The following RGS9 variants were observed in gnomAD, a reference collection of about 807,000 sequenced individuals.
RGS9 encodes regulator of G-protein signalling 9.
RGS9 carries 78 observed loss-of-function variants against 102.0 expected under a neutral mutation model. That is an observed-to-expected ratio of 0.76 (90% CI 0.64 to 0.92). RGS9 has a LOEUF of 0.92. Among genes scored for constraint, RGS9 ranks in the 40% least tolerant of loss-of-function variants. The pLI, the probability that RGS9 is intolerant of heterozygous loss-of-function variation, is 0.00. For missense variants in RGS9, 833 were observed against 866.1 expected, an observed-to-expected ratio of 0.96 and a Z score of 0.48; for synonymous variants, 353 against 318.6, an observed-to-expected ratio of 1.11 and a Z score of -1.15.
rs544493422 is a variant in RGS9, at chr17:65,184,699, C to T, written c.655-4587C>T. Among the ~76,000 whole-genome samples, 4 of 151,960 alleles carry T rather than the reference C, an allele frequency of 2.6e-5. No homozygotes were observed. In the South Asian group the frequency reaches 8.4e-4, roughly 32 times the overall value. On this transcript the variant is annotated intron_variant, in intron 9 of 18. Coordinates refer to ENST00000262406, the MANE Select transcript of RGS9 (RefSeq NM_003835.4). ...TCCTTTTTTCTCTCTTTCCTTCCCT[C>T]CTTCATTCTGTCTCTCCCTCCCTCC...
Position 65,170,089 on chromosome 17 carries a change from C to T in RGS9, c.582+1808C>T, listed in dbSNP as rs929787389. Among the ~76,000 whole-genome samples, 4 of 137,744 alleles carry T rather than the reference C, an allele frequency of 2.9e-5. No homozygotes were observed. The Admixed American group carries it at 3.1e-4, about 11-fold the overall frequency. The allele number at this position is 137,744 out of a possible 152,430, so 90.4% of individuals were successfully genotyped here. The stretch of plus-strand genomic sequence containing the variant: ...TTTTTTTCTGAGATGGAGCCTTGCT[C>T]TGTCACCCAGGCTGGAGTGCAATGG... On this transcript the variant is annotated intron_variant, in intron 8 of 18. Transcript: ENST00000262406.
Position 65,227,276 on chromosome 17 carries a change from T to G in RGS9, c.1894T>G (p.Phe632Val). ...CTGGCTTTCCTCTTGCACCTGAAGC[T>G]TTTTCCAGATCAAAATGGATGTGCC... ...PRLKSKRVAN[F>V]FQIKMDVPTG... Residue 632 changes from phenylalanine (F) to valine (V), a missense_variant and splice_region_variant, in exon 19 of 19, where the codon TTT (phenylalanine) becomes GTT (valine). This residue lies in a region of RGS9 where 320 missense variants were observed against 276.8 expected (regional missense o/e 1.16). Transcript: ENST00000262406. 6.2e-7 allele frequency: 1 copy of G among 1,614,032 alleles called. No homozygotes were observed. The highest frequency in any genetic ancestry group is 1.1e-5 in the South Asian group (1 of 91,076).
intron 17 of RGS9, among the ~76,000 whole-genome samples, chr17:65,220,309 C>T (rs867835490): frequency 3.9e-5 from 6 of 152,314 alleles, no homozygotes; most frequent in South Asian, 4.1e-4. Flanking sequence ...CTCCAGAGAA[C>T]GTTAGGATAT....
At chr17:65,180,666 A>C (rs1026546196) in intron 9 of RGS9, among the ~76,000 whole-genome samples, 6 of 152,070 alleles carry the variant, frequency 3.9e-5, no homozygotes, top group Non-Finnish European at 7.4e-5. Context: ...CCTTCTTTTT[A>C]AACTTTTATT....
chr17:65,226,735 C>T (rs935904832), intron 18 of RGS9, among the ~76,000 whole-genome samples: 4 of 152,052 alleles, frequency 2.6e-5, no homozygotes, highest in African/African-American at 9.7e-5. Context: ...GCCTCAGCCT[C>T]CCAGGTAGCT....
intron 17 of RGS9, among the ~76,000 whole-genome samples, chr17:65,221,728 C>A (rs1186105739): frequency 6.6e-6 from 1 of 152,206 alleles, no homozygotes; most frequent in East Asian, 1.9e-4. Flanking sequence ...ACGATGGAGG[C>A]CCCAACAGAT....
At chr17:65,219,950 CTCACCA>C (rs796851258) in intron 17 of RGS9, among the ~76,000 whole-genome samples, 42 of 151,618 alleles carry the variant, frequency 2.8e-4, no homozygotes, top group African/African-American at 9.5e-4. Flanking sequence ...CACCGCCATC[CTCACCA>C]TCACCATCAC....
chr17:65,144,976 T>A (rs189126566), intron 1 of RGS9, among the ~76,000 whole-genome samples: 5 of 152,322 alleles, frequency 3.3e-5, no homozygotes, highest in Admixed American at 3.3e-4. Context: ...CCGTCTTCTC[T>A]CTGTTCTCAC....
At chr17:65,187,881 A>T (rs1012619857) in intron 9 of RGS9, among the ~76,000 whole-genome samples, 1 of 152,208 alleles carries the variant, frequency 6.6e-6, no homozygotes, top group African/African-American at 2.4e-5. Context: ...CTGTAGTCCC[A>T]GCTACTTGGG....
At chr17:65,141,606 G>A (rs1159330962) in intron 1 of RGS9, among the ~76,000 whole-genome samples, 1 of 152,224 alleles carries the variant, frequency 6.6e-6, no homozygotes, top group African/African-American at 2.4e-5. Context: ...GCACCAAGGA[G>A]CTTAGAGTCT....
chr17:65,163,668 G>A lies in RGS9; in HGVS notation c.500+579G>A, dbSNP rs529835393. 3.3e-5 allele frequency among the ~76,000 whole-genome samples: 5 copies of A among 152,234 alleles called. No individual in the cohort carries two copies. The South Asian group carries it at 8.3e-4, about 25-fold the overall frequency. ...GTTTTCAGAAGGAATCGTAGAAATG[G>A]CATTGAACCTGGGGAATGCATAGGA... On this transcript the variant is annotated intron_variant, in intron 7 of 18. Coordinates refer to ENST00000262406, the MANE Select transcript of RGS9 (RefSeq NM_003835.4).
At chr17:65,191,847 C>G (rs1443275466) in intron 11 of RGS9, among the ~76,000 whole-genome samples, 2 of 152,212 alleles carry the variant, frequency 1.3e-5, no homozygotes, top group African/African-American at 4.8e-5. Context: ...AAACCCAGTG[C>G]TTGTCTCTAA....
At chr17:65,150,923 T>C (rs572511200) in intron 1 of RGS9, among the ~76,000 whole-genome samples, 1 of 152,326 alleles carries the variant, frequency 6.6e-6, no homozygotes, top group Admixed American at 6.5e-5. Context: ...CAGGGGAACA[T>C]GAAGTTTGAA....
intron 1 of RGS9, among the ~76,000 whole-genome samples, chr17:65,145,861 G>C (rs936033073): frequency 6.9e-6 from 1 of 144,362 alleles, no homozygotes; most frequent in Non-Finnish European, 1.5e-5. Flanking sequence ...GAATTTGTAC[G>C]GGGAAAGGTC....
chr17:65,185,743 A>G (rs1260658056), intron 9 of RGS9, among the ~76,000 whole-genome samples: 1 of 152,220 alleles, frequency 6.6e-6, no homozygotes, highest in Non-Finnish European at 1.5e-5. Context: ...TAGGGAGATA[A>G]TAAAATCAAA....
At chr17:65,191,490 A>G (rs1251121030) in intron 11 of RGS9, among the ~76,000 whole-genome samples, 1 of 151,790 alleles carries the variant, frequency 6.6e-6, no homozygotes, top group Non-Finnish European at 1.5e-5. Context: ...TGGGCAGATC[A>G]CCTGAGGTCA....
At chr17:65,152,711 C>T (rs1271341743) in intron 1 of RGS9, among the ~76,000 whole-genome samples, 3 of 152,072 alleles carry the variant, frequency 2.0e-5, no homozygotes, top group Non-Finnish European at 2.9e-5. Context: ...TTAAGTTTTT[C>T]GTAGAGGCAG....
intron 1 of RGS9, among the ~76,000 whole-genome samples, chr17:65,142,889 CT>C (rs1910211705): frequency 6.6e-6 from 1 of 151,866 alleles, no homozygotes; most frequent in Non-Finnish European, 1.5e-5. Context: ...GCCTGGTTTT[CT>C]TTTTGTTTCT....
chr17:65,144,514 C>T (rs1350000046), intron 1 of RGS9, among the ~76,000 whole-genome samples: 2 of 152,246 alleles, frequency 1.3e-5, no homozygotes, highest in African/African-American at 4.8e-5. Context: ...CGGGGTCAGA[C>T]AGGGTCCCGC....
Sources: gnomAD v4.1 joint callset for allele counts (sites outside exome capture counted in the v4.1 genomes callset) on GRCh38, gnomAD v4.1.1 for gene constraint, gnomAD v4.1.1 regional missense constraint, MANE v1.5 for transcripts, NCBI Gene and HGNC (gene_info 2026-07-23, HGNC 2026-07-21) for gene names.